Variants in DNAH1 observed in about 807,000 individuals in gnomAD.
The protein encoded by DNAH1 is dynein axonemal heavy chain 1, also known as axonemal beta dynein heavy chain 1.
Under a neutral mutation model 484.3 loss-of-function variants are expected in DNAH1, and 327 were observed. The observed-to-expected ratio is 0.68, with a 90% CI of 0.62 to 0.74. The LOEUF is 0.74. Ranked by LOEUF, DNAH1 falls within the 30% of genes least tolerant of loss-of-function variation. The pLI is 0.00. For synonymous variants in DNAH1, 2,192 were observed against 2,191.9 expected, an observed-to-expected ratio of 1.00 and a Z score of 0.00; for missense variants, 5,052 against 5,546.8, an observed-to-expected ratio of 0.91 and a Z score of 2.83.
In DNAH1 at chr3:52,344,634, G is replaced by T; in HGVS notation, c.1431G>T (p.Gln477His). The change falls in exon 9 of 78, where the codon CAG (glutamine) becomes CAT (histidine). Residue 477 changes from glutamine (Q) to histidine (H), a missense_variant. Gln to His is a conservative substitution (Grantham distance 24, BLOSUM62 0). Coordinates refer to ENST00000420323, the MANE Select transcript of DNAH1 (RefSeq NM_015512.5). ...CCCTCCCCAAGAAGGAGGAGGAGCA[G>T]GTGCCTGAGCGAGGTGAGGGTCACT... ...YVTLPKKEEE[Q>H]VPERGLVSVP... The T allele has an allele frequency of 6.2e-7, 1 of 1,613,458 alleles. No individual in the cohort carries two copies. Among genetic ancestry groups the T allele is most frequent in the Non-Finnish European group, 8.5e-7 (1 of 1,179,780 alleles).
At chr3:52,322,888 T>C in intron 2 of DNAH1, 113 bp downstream of exon 2, 1 of 955,320 alleles carries the variant, frequency 1.0e-6, no homozygotes, top group Non-Finnish European at 1.6e-6. Flanking sequence ...TAGCTGTCTA[T>C]CGATCTATCC....
intron 51 of DNAH1, 63 bp from the exon 52 acceptor site, chr3:52,383,797 T>G: frequency 6.6e-7 from 1 of 1,511,074 alleles, no homozygotes; most frequent in East Asian, 2.3e-5. Context: ...GGGCCCTGGG[T>G]CCTGGGCTCC....
At chr3:52,393,952 A>G (rs1362756260) in intron 66 of DNAH1, among the ~76,000 whole-genome samples, 1 of 152,240 alleles carries the variant, frequency 6.6e-6, no homozygotes. Context: ...TGCTCCAACC[A>G]ATGGCTCAAG....
chr3:52,379,779 T>G lies in DNAH1; in HGVS notation c.7378-126T>G. ...GCCCCCACACACTGTCCCTGGGCCA[T>G]GGTGGGAGAGCCAGGCTCCAGTCAG... On this transcript the variant is annotated intron_variant, in intron 47 of 77. Transcript: ENST00000420323. The surrounding 1 kb of genome is among the most constrained non-coding windows in gnomAD (Gnocchi z 4.4). The G allele has an allele frequency of 1.9e-5, 15 of 786,440 alleles. No homozygotes were observed. The highest frequency in any genetic ancestry group is 2.7e-5 in the East Asian group (1 of 36,632). 48.7% of individuals were successfully genotyped at this position (786,440 alleles called of 1,614,324 possible). A position where few individuals can be genotyped will look rare whatever the true frequency, so the allele number is the denominator to read the frequency against.
intron 63 of DNAH1, 73 bp from the exon 64 acceptor site, chr3:52,392,391 G>T: frequency 7.2e-7 from 1 of 1,392,086 alleles, no homozygotes; most frequent in South Asian, 1.2e-5. Context: ...CAGGTGGATG[G>T]GTGACCAGGT....
intron 63 of DNAH1, 133 bp downstream of exon 63, chr3:52,391,736 C>A: frequency 9.4e-7 from 1 of 1,066,638 alleles, no homozygotes; most frequent in Non-Finnish European, 1.4e-6. Context: ...TCACCCCAGG[C>A]ACTCACATTC....
At position 52,386,814 on chromosome 3, in the gene DNAH1, C is replaced by T. The variant is rs761012948; in HGVS notation, c.8964C>T (p.Asp2988=). 5.0e-6 allele frequency: 8 copies of T among 1,588,714 alleles called. No homozygotes were observed. Among genetic ancestry groups the T allele is most frequent in the South Asian group, 1.2e-5 (1 of 86,926 alleles). Residue 2988 remains aspartate, a synonymous_variant, in exon 56 of 78, where the codon GAC becomes GAT. Coordinates refer to ENST00000420323, the MANE Select transcript of DNAH1 (RefSeq NM_015512.5). The stretch of plus-strand genomic sequence containing the variant: ...AGCCTGGCAAGGGGCTGCTGCAGGA[C>T]CCGGGCCACTTCCTTGAGAGCCTCT... ...YWEPGKGLLQ[D]PGHFLESLFK... is the part of the protein sequence containing the mutation.
rs763006829 is a variant in DNAH1, at chr3:52,364,614, A to G, written c.5245-24A>G. On this transcript the variant is annotated intron_variant, in intron 32 of 77. Coordinates refer to ENST00000420323, the MANE Select transcript of DNAH1 (RefSeq NM_015512.5). This position sits in a 1 kb window ranked among gnomAD's most constrained non-coding sequence, Gnocchi z 4.2. Reference sequence around the variant, plus strand: ...CCTTGGAGAGGGACAGTGCTCACCCATGCCTCCTTCTGTATGGCGACAGGA... The same window carrying G: ...CCTTGGAGAGGGACAGTGCTCACCCGTGCCTCCTTCTGTATGGCGACAGGA... The G allele has an allele frequency of 1.2e-6, 2 of 1,613,460 alleles. No individual in the cohort carries two copies. The highest frequency in any genetic ancestry group is 1.7e-6 in the Non-Finnish European group (2 of 1,179,492).
chr3:52,371,857 T>C, intron 41 of DNAH1, 89 bp from the exon 42 acceptor site: 5 of 1,552,806 alleles, frequency 3.2e-6, no homozygotes, highest in Non-Finnish European at 4.3e-6. Flanking sequence ...GTGCAGCTCC[T>C]GGCCCTTCTG....
chr3:52,356,804 C>T (rs1447860596), intron 22 of DNAH1, 26 bp downstream of exon 22: 1 of 1,573,814 alleles, frequency 6.4e-7, no homozygotes, highest in East Asian at 2.3e-5. Context: ...GTGGGAGGGG[C>T]AGCTGGGATC....
intron 13 of DNAH1, 27 bp from the exon 14 acceptor site, chr3:52,349,168 C>T (rs1702266427): frequency 1.9e-6 from 3 of 1,612,206 alleles, no homozygotes; most frequent in Non-Finnish European, 2.5e-6. Context: ...CATCCTCTGC[C>T]CCCTCCCGTG....
intron 74 of DNAH1, 49 bp from the exon 75 acceptor site, chr3:52,397,983 G>A: frequency 6.3e-7 from 1 of 1,598,402 alleles, no homozygotes; most frequent in Middle Eastern, 1.7e-4. Context: ...ATCCCACAGG[G>A]GATAAGGGGG....
At chr3:52,346,829 GA>G in intron 11 of DNAH1, 59 bp downstream of exon 11, 1 of 1,530,532 alleles carries the variant, frequency 6.5e-7, no homozygotes, top group South Asian at 1.3e-5. Context: ...ACCTGCTGGG[GA>G]TGGAGCAGGG....
rs1702667000 is a variant in DNAH1 at position 52,357,622 on chromosome 3, T to C, written c.3867T>C (p.Asn1289=). ...KNAYENREVI[N]VCSDLRMLDS... ...TGGCCCGGGCCCTGCAGGTGATCAA[T>C]GTGTGTTCCGACCTGAGAATGCTGG... is the stretch of plus-strand genomic sequence containing the variant. Residue 1289 remains asparagine (N), a synonymous_variant, in exon 23 of 78, where the codon AAT becomes AAC. Coordinates refer to ENST00000420323, the MANE Select transcript of DNAH1 (RefSeq NM_015512.5). 1 of 1,600,050 alleles carries C rather than the reference T, an allele frequency of 6.2e-7. No individual in the cohort carries two copies.
In DNAH1 at chr3:52,399,108, ATTC is replaced by A. The variant is rs1378489036; in HGVS notation, c.12355_12357del (p.Phe4119del). 4 of 1,613,996 alleles carry A rather than the reference ATTC, an allele frequency of 2.5e-6. No individual in the cohort carries two copies. Among genetic ancestry groups the A allele is most frequent in the Non-Finnish European group, 3.4e-6 (4 of 1,179,894 alleles). On this transcript the variant is annotated inframe_deletion, in exon 76 of 78. Transcript: ENST00000420323. ...TCCCAGCTGTCTTCTGGATCAGTGG[ATTC>A]TTCTTCCCCCAGGCTTTCTTAACAG...
Position 52,381,727 on chromosome 3 carries a change from A to G in DNAH1, c.7696A>G (p.Ser2566Gly). ...LKLVLFMDAM[S>G]HICRISRTLR... ...GCTGGTCCTCTTCATGGACGCCATGAGCCACATCTGTCGCATCAGCCGCAC... is the reference window on the plus strand; with the variant it reads ...GCTGGTCCTCTTCATGGACGCCATGGGCCACATCTGTCGCATCAGCCGCAC... Residue 2566 changes from serine to glycine, a missense_variant, in exon 49 of 78, where the codon AGC (serine) becomes GGC (glycine). Ser to Gly is a moderately conservative substitution (Grantham distance 56). This residue lies in a region of DNAH1 where 2,929 missense variants were observed against 3,409.4 expected (regional missense o/e 0.86). Coordinates refer to ENST00000420323, the MANE Select transcript of DNAH1 (RefSeq NM_015512.5). This position sits in a 1 kb window ranked among gnomAD's most constrained non-coding sequence, Gnocchi z 4.1. The G allele has an allele frequency of 1.1e-5, 18 of 1,606,680 alleles. No individual in the cohort carries two copies. Among genetic ancestry groups the G allele is most frequent in the Non-Finnish European group, 1.4e-5 (17 of 1,177,342 alleles).
rs2153224134 is a variant in DNAH1, at chr3:52,355,221, G to A, written c.3693+166G>A. Among the ~76,000 whole-genome samples, 1 of 152,328 alleles carries A rather than the reference G, an allele frequency of 6.6e-6. No homozygotes were observed. The highest frequency in any genetic ancestry group is 2.1e-4 in the South Asian group (1 of 4,830). On this transcript the variant is annotated intron_variant, in intron 21 of 77. Coordinates refer to ENST00000420323, the MANE Select transcript of DNAH1 (RefSeq NM_015512.5). This position sits in a 1 kb window ranked among gnomAD's most constrained non-coding sequence, Gnocchi z 4.5. ...AGGCCCCGCCCTACTGCATTCAGAG[G>A]AGGGCAACTAGGATGGGCTCTCCAT...
intron 8 of DNAH1, among the ~76,000 whole-genome samples, chr3:52,341,530 C>CTTTTTT (rs55645528): frequency 8.9e-5 from 9 of 101,168 alleles, no homozygotes; most frequent in Non-Finnish European, 1.4e-4. Flanking sequence ...TTGACTTTGA[C>CTTTTTT]TTTTTTTTTT....
In DNAH1 at chr3:52,361,307, A is replaced by AGCTC; in HGVS notation, c.4831_4834dup (p.Asp1612AlafsTer57). On this transcript the variant is annotated frameshift_variant, in exon 29 of 78. Transcript: ENST00000420323. LOFTEE classifies it high-confidence loss of function. This position sits in a 1 kb window ranked among gnomAD's most constrained non-coding sequence, Gnocchi z 5.6. ...ACCGTTGTGTTCAACTGCTCTGACC[A>AGCTC]GCTCGACTTCATGGCCATGGGCAAG... is the stretch of plus-strand genomic sequence containing the variant. 6.2e-7 allele frequency: 1 copy of AGCTC among 1,606,274 alleles called. No individual in the cohort carries two copies. Among genetic ancestry groups the AGCTC allele is most frequent in the Non-Finnish European group, 8.5e-7 (1 of 1,176,518 alleles).
Sources: allele counts gnomAD v4.1 joint callset (sites outside exome capture counted in the v4.1 genomes callset), GRCh38; gene constraint gnomAD v4.1.1; regional missense constraint gnomAD v4.1.1; non-coding constraint Gnocchi (gnomAD v3.1); transcripts MANE v1.5; gene names NCBI Gene and HGNC (gene_info 2026-07-23, HGNC 2026-07-21).